SLC39A10: variants seen among roughly 807,000 people sequenced by gnomAD.
The protein encoded by SLC39A10 is solute carrier family 39 member 10.
Under a neutral mutation model 65.1 loss-of-function variants are expected in SLC39A10, and 13 were observed. That is an observed-to-expected ratio of 0.20 (90% CI 0.13 to 0.32). The LOEUF (loss-of-function observed/expected upper bound fraction) is 0.32, where lower values mean the gene tolerates loss of function less well. Among genes scored for constraint, SLC39A10 ranks in the 10% least tolerant of loss-of-function variants. The probability of loss-of-function intolerance (pLI) is 1.00; values close to 1 mark genes in which losing one functional copy is unlikely to be tolerated. For missense variants in SLC39A10, 831 were observed against 1,018.4 expected, an observed-to-expected ratio of 0.82 and a Z score of 2.50; for synonymous variants, 321 against 342.2, an observed-to-expected ratio of 0.94 and a Z score of 0.68.
Position 195,675,882 on chromosome 2 carries a change from C to T in SLC39A10, c.-11-4150C>T, listed in dbSNP as rs138057205. 4.1e-4 allele frequency among the ~76,000 whole-genome samples: 63 copies of T among 152,110 alleles called. 1 individual carries two copies. The highest frequency in any genetic ancestry group is 3.4e-3 in the Middle Eastern group (1 of 294). On this transcript the variant is annotated intron_variant, in intron 1 of 9. Transcript: ENST00000359634. The stretch of plus-strand genomic sequence containing the variant: ...TGTACCAATATATACTTCCACCAGA[C>T]GCATAAGGTAGTTTGTTTCTTTATA...
intron 2 of SLC39A10, among the ~76,000 whole-genome samples, chr2:195,648,117 C>T (rs567080218): frequency 3.3e-5 from 5 of 152,258 alleles, no homozygotes; most frequent in East Asian, 3.9e-4. Flanking sequence ...TTCACCCTCC[C>T]GAGTAGCTGG....
chr2:195,672,214 T>C (rs1377523161), intron 1 of SLC39A10, among the ~76,000 whole-genome samples: 2 of 152,146 alleles, frequency 1.3e-5, no homozygotes, highest in African/African-American at 4.8e-5. Context: ...CACTACAGCC[T>C]GGCCCTCCTG....
chr2:195,673,427 G>C (rs923444431), intron 1 of SLC39A10, among the ~76,000 whole-genome samples: 1 of 152,174 alleles, frequency 6.6e-6, no homozygotes, highest in Non-Finnish European at 1.5e-5. Context: ...CAAAGTGTTG[G>C]AATTGCAGGC....
chr2:195,693,730 T>G (rs1322502479), intron 3 of SLC39A10, among the ~76,000 whole-genome samples: 2 of 151,914 alleles, frequency 1.3e-5, no homozygotes, highest in Non-Finnish European at 2.9e-5. Context: ...TCAATTTTAT[T>G]TATCTTTTCA....
chr2:195,651,838 C>T (rs1241888827), upstream of SLC39A10, among the ~76,000 whole-genome samples: 1 of 152,132 alleles, frequency 6.6e-6, no homozygotes, highest in East Asian at 1.9e-4. Context: ...CACATTGGTA[C>T]AGCAATATAA....
At chr2:195,716,443 T>C (rs893958412) in intron 6 of SLC39A10, among the ~76,000 whole-genome samples, 194 bp from the exon 7 acceptor site, 3 of 152,194 alleles carry the variant, frequency 2.0e-5, no homozygotes, top group African/African-American at 2.4e-5. Context: ...TTTTGTTTTG[T>C]TTTGCTTATT....
chr2:195,646,543 A>T (rs1688921146), intron 2 of SLC39A10, among the ~76,000 whole-genome samples: 1 of 152,198 alleles, frequency 6.6e-6, no homozygotes, highest in African/African-American at 2.4e-5. Context: ...TGGAGGCTCT[A>T]AGGAGGAATC....
chr2:195,683,861 G>C lies in SLC39A10; in HGVS notation c.1171G>C (p.Asp391His). The C allele has an allele frequency of 6.2e-7, 1 of 1,613,028 alleles. No homozygotes were observed. Among genetic ancestry groups the C allele is most frequent in the Non-Finnish European group, 8.5e-7 (1 of 1,179,374 alleles). The part of the protein sequence containing the change: ...DKLLVEDINK[D>H]KNLVPEDEAN... Reference sequence around the variant, plus strand: ...ACTTTTAGTTGAAGATATAAATAAGGATAAAAACCTGGTTCCTGAAGATGA... The same window carrying C: ...ACTTTTAGTTGAAGATATAAATAAGCATAAAAACCTGGTTCCTGAAGATGA... Residue 391 changes from aspartate to histidine, a missense_variant, in exon 3 of 10, where the codon GAT becomes CAT. Coordinates refer to ENST00000359634, the MANE Select transcript of SLC39A10 (RefSeq NM_020342.3).
intron 5 of SLC39A10, among the ~76,000 whole-genome samples, chr2:195,712,465 C>T (rs1362502720): frequency 6.6e-6 from 1 of 152,208 alleles, no homozygotes; most frequent in African/African-American, 2.4e-5. Flanking sequence ...CTTACTTATG[C>T]AGCAGTTAGA....
At chr2:195,623,928 C>G (rs1045618719) in intron 2 of SLC39A10, among the ~76,000 whole-genome samples, 1 of 151,668 alleles carries the variant, frequency 6.6e-6, no homozygotes, top group Non-Finnish European at 1.5e-5. Context: ...CACACACACA[C>G]ACACACACAC....
chr2:195,634,767 G>A (rs1688663697), intron 2 of SLC39A10, among the ~76,000 whole-genome samples: 1 of 152,150 alleles, frequency 6.6e-6, no homozygotes, highest in Non-Finnish European at 1.5e-5. Flanking sequence ...TTGACCTCAG[G>A]CCAGGTGTGG....
intron 2 of SLC39A10, among the ~76,000 whole-genome samples, chr2:195,631,243 G>A (rs892108653): frequency 1.3e-5 from 2 of 151,458 alleles, no homozygotes; most frequent in Non-Finnish European, 2.9e-5. Flanking sequence ...ATGACATAGA[G>A]CTAGAGAGTT....
At chr2:195,618,353 C>CA (rs34831034) in intron 2 of SLC39A10, among the ~76,000 whole-genome samples, 21,887 of 103,750 alleles carry the variant, frequency 0.21, 1,925 homozygotes, top group Middle Eastern at 0.31. Flanking sequence ...TCCGTCTCAC[C>CA]AAAAAAAAAA....
chr2:195,731,110 T>C (rs1388541781), intron 9 of SLC39A10, among the ~76,000 whole-genome samples: 1 of 152,196 alleles, frequency 6.6e-6, no homozygotes, highest in Non-Finnish European at 1.5e-5. Flanking sequence ...ATGCTTCACA[T>C]TGTGGTTTTT....
chr2:195,713,414 A>ATT lies in SLC39A10; in HGVS notation c.1576-12_1576-11dup, dbSNP rs35363951. On this transcript the variant is annotated intron_variant, in intron 5 of 9. Transcript: ENST00000359634. ...ACATTTTATACTAATATCAGATACT[A>ATT]TTTTTTTTCTTTTTTTAGGGAAAAC... 1.3e-6 allele frequency: 2 copies of ATT among 1,517,000 alleles called. No individual in the cohort carries two copies. The highest frequency in any genetic ancestry group is 1.3e-5 in the South Asian group (1 of 78,726). 94.0% of individuals were successfully genotyped at this position (1,517,000 alleles called of 1,614,324 possible).
chr2:195,617,216 AT>A (rs918531031), intron 2 of SLC39A10, among the ~76,000 whole-genome samples: 7 of 152,100 alleles, frequency 4.6e-5, no homozygotes, highest in Non-Finnish European at 7.4e-5. Context: ...GATCAAAAAA[AT>A]TTTTTTGCAT....
intron 2 of SLC39A10, among the ~76,000 whole-genome samples, chr2:195,618,922 G>A (rs1688286994): frequency 1.3e-5 from 2 of 151,860 alleles, no homozygotes; most frequent in Admixed American, 6.6e-5. Context: ...GTGAAACCCC[G>A]TCTCTACTAA....
rs3049428 is a variant in SLC39A10, at chr2:195,737,482, A to AAGTC, written c.*2445_*2448dup. The AAGTC allele has an allele frequency of 0.022, 3,608 of 161,248 alleles. 90 individuals carry two copies. The highest frequency in any genetic ancestry group is 0.072 in the East Asian group (398 of 5,494). 10.0% of individuals were successfully genotyped at this position (161,248 alleles called of 1,614,324 possible). A position where few individuals can be genotyped will look rare whatever the true frequency, so the allele number is the denominator to read the frequency against. The stretch of plus-strand genomic sequence containing the variant: ...GAATTTTTTCCATTAACAAACAAAC[A>AAGTC]AGTCAGTGGCTTAAATGTGATTATG... On this transcript the variant is annotated 3_prime_UTR_variant, in exon 10 of 10. Coordinates refer to ENST00000359634, the MANE Select transcript of SLC39A10 (RefSeq NM_020342.3).
intron 8 of SLC39A10, among the ~76,000 whole-genome samples, chr2:195,722,361 T>C (rs1340884123): frequency 1.3e-5 from 2 of 152,214 alleles, no homozygotes; most frequent in African/African-American, 4.8e-5. Context: ...ATGACCCAGC[T>C]TCCTCTTCTG....
Sources: allele counts gnomAD v4.1 joint callset (sites outside exome capture counted in the v4.1 genomes callset), GRCh38; gene constraint gnomAD v4.1.1; transcripts MANE v1.5; gene names NCBI Gene and HGNC (gene_info 2026-07-23, HGNC 2026-07-21).